Variants in UCHL3 observed in about 807,000 individuals in gnomAD.
The protein encoded by UCHL3 is ubiquitin C-terminal hydrolase L3, also known as ubiquitin carboxyl-terminal hydrolase isozyme L3.
In UCHL3, 22 loss-of-function variants were observed where a neutral mutation model predicts 35.8. The ratio of observed to expected loss-of-function variants is 0.61; its 90% CI spans 0.44 to 0.88. UCHL3 has a LOEUF of 0.88. Ranked by LOEUF, UCHL3 falls within the 40% of genes least tolerant of loss-of-function variation. The pLI is 0.00. For missense variants in UCHL3, 229 were observed against 276.9 expected (o/e 0.83, Z 1.23); for synonymous variants, 90 against 92.8 (o/e 0.97, Z 0.17).
intron 6 of UCHL3, among the ~76,000 whole-genome samples, chr13:75,577,870 T>G (rs1221178471): frequency 6.6e-6 from 1 of 151,800 alleles, no homozygotes; most frequent in African/African-American, 2.4e-5. Flanking sequence ...ATTTGTGATT[T>G]GTCCATATTA....
chr13:75,604,232 G>A (rs1036322344), intron 7 of UCHL3, among the ~76,000 whole-genome samples: 37 of 152,106 alleles, frequency 2.4e-4, no homozygotes, highest in African/African-American at 8.4e-4. Context: ...AAAAGTACTA[G>A]TTTATTTAAG....
At chr13:75,563,807 T>A (rs1309583581) in intron 3 of UCHL3, among the ~76,000 whole-genome samples, 3 of 152,206 alleles carry the variant, frequency 2.0e-5, no homozygotes, top group Non-Finnish European at 4.4e-5. Flanking sequence ...ATCAGTGATA[T>A]TATACAATAT....
At chr13:75,562,564 G>A (rs1487522770) in intron 3 of UCHL3, among the ~76,000 whole-genome samples, 1 of 151,964 alleles carries the variant, frequency 6.6e-6, no homozygotes, top group Admixed American at 6.6e-5. Context: ...TAAAGCTTAG[G>A]GTTTCTTAGC....
intron 6 of UCHL3, among the ~76,000 whole-genome samples, chr13:75,585,172 A>T (rs1199737338): frequency 6.6e-6 from 1 of 152,184 alleles, no homozygotes; most frequent in Non-Finnish European, 1.5e-5. Context: ...GGAATCTCAG[A>T]GACACTAGGT....
chr13:75,557,382 G>T (rs1000937344), intron 2 of UCHL3, among the ~76,000 whole-genome samples: 3 of 152,088 alleles, frequency 2.0e-5, no homozygotes, highest in Non-Finnish European at 4.4e-5. Flanking sequence ...AGAATAAAAA[G>T]AATAAGTTGA....
intron 7 of UCHL3, among the ~76,000 whole-genome samples, chr13:75,600,826 C>A (rs542206711): frequency 2.0e-5 from 3 of 152,176 alleles, no homozygotes; most frequent in African/African-American, 4.8e-5. Flanking sequence ...ACTATAGCTG[C>A]CACAGTGATT....
chr13:75,601,122 G>T lies in UCHL3; in HGVS notation c.551-3647G>T, dbSNP rs147504528. Reference sequence around the variant, plus strand: ...CAATCTCATGATAAAACTTGAACAAGTAAGGAGTTGCTTCTTAAAGATGAG... The same window carrying T: ...CAATCTCATGATAAAACTTGAACAATTAAGGAGTTGCTTCTTAAAGATGAG... On this transcript the variant is annotated intron_variant, in intron 7 of 8. Transcript: ENST00000377595. 2.5e-3 allele frequency among the ~76,000 whole-genome samples: 379 copies of T among 152,324 alleles called. 2 individuals carry two copies. Among genetic ancestry groups the T allele is most frequent in the Non-Finnish European group, 3.0e-3 (206 of 68,026 alleles).
chr13:75,577,895 C>T (rs540774781), intron 6 of UCHL3, among the ~76,000 whole-genome samples: 6,794 of 152,100 alleles, frequency 0.045, 488 homozygotes, highest in African/African-American at 0.15. Context: ...AGGAGCCAGC[C>T]CAGATATGGG....
At chr13:75,584,198 C>G (rs981374105) in intron 6 of UCHL3, among the ~76,000 whole-genome samples, 6 of 152,196 alleles carry the variant, frequency 3.9e-5, no homozygotes, top group African/African-American at 1.4e-4. Flanking sequence ...TATCCAGGGA[C>G]AGAGGCTGAT....
upstream of UCHL3, chr13:75,549,715 T>A: frequency 7.5e-7 from 1 of 1,338,738 alleles, no homozygotes; most frequent in Non-Finnish European, 9.8e-7. Flanking sequence ...GCGCTCCTCC[T>A]CCGGGCGGTG....
At chr13:75,593,241 T>C (rs937345497) in intron 6 of UCHL3, among the ~76,000 whole-genome samples, 2 of 152,190 alleles carry the variant, frequency 1.3e-5, no homozygotes, top group Non-Finnish European at 2.9e-5. Context: ...TTTTTTATTA[T>C]AGAATTAAAG....
At chr13:75,602,610 T>C (rs766189484) in intron 7 of UCHL3, among the ~76,000 whole-genome samples, 1 of 152,208 alleles carries the variant, frequency 6.6e-6, no homozygotes, top group African/African-American at 2.4e-5. Flanking sequence ...TTTGTGGTAG[T>C]AGTGTTTGGA....
intron 2 of UCHL3, among the ~76,000 whole-genome samples, chr13:75,551,598 A>G (rs888941143): frequency 1.3e-5 from 2 of 152,228 alleles, no homozygotes; most frequent in African/African-American, 4.8e-5. Context: ...ATAAATATAT[A>G]AAAAGTAACA....
chr13:75,550,657 C>T (rs895183940), intron 2 of UCHL3, among the ~76,000 whole-genome samples: 1 of 151,110 alleles, frequency 6.6e-6, no homozygotes, highest in Non-Finnish European at 1.5e-5. Context: ...CCCAGCCACT[C>T]AGAAGAGTAA....
intron 6 of UCHL3, among the ~76,000 whole-genome samples, chr13:75,591,181 CT>C (rs1233495441): frequency 6.6e-6 from 1 of 152,180 alleles, no homozygotes; most frequent in Non-Finnish European, 1.5e-5. Context: ...ATTTACCCTT[CT>C]AGTGTTATAC....
At chr13:75,574,706 A>G (rs2031969386) in intron 6 of UCHL3, among the ~76,000 whole-genome samples, 2 of 152,226 alleles carry the variant, frequency 1.3e-5, no homozygotes, top group African/African-American at 2.4e-5. Flanking sequence ...CTAGGCATCC[A>G]GTAAAATGAA....
At chr13:75,592,010 T>C (rs1463141141) in intron 6 of UCHL3, among the ~76,000 whole-genome samples, 2 of 152,024 alleles carry the variant, frequency 1.3e-5, no homozygotes, top group African/African-American at 4.8e-5. Context: ...GATTTTTGGA[T>C]TTGGGATGCT....
intron 2 of UCHL3, among the ~76,000 whole-genome samples, chr13:75,550,524 G>C (rs186493921): frequency 7.2e-5 from 11 of 152,168 alleles, no homozygotes; most frequent in Admixed American, 7.2e-4. Context: ...TGGACATTTA[G>C]TTGCTGTTGT....
chr13:75,558,480 T>C (rs2138462588), intron 2 of UCHL3, among the ~76,000 whole-genome samples: 1 of 152,336 alleles, frequency 6.6e-6, no homozygotes, highest in East Asian at 1.9e-4. Flanking sequence ...CCATCGTGTT[T>C]TATAACTTTA....
Sources: allele counts gnomAD v4.1 joint callset (sites outside exome capture counted in the v4.1 genomes callset), GRCh38; gene constraint gnomAD v4.1.1; transcripts MANE v1.5; gene names NCBI Gene and HGNC (gene_info 2026-07-23, HGNC 2026-07-21).